The following CCDC148 variants were observed in gnomAD, a reference collection of about 807,000 sequenced individuals.
The protein encoded by CCDC148 is coiled-coil domain-containing protein 148.
In CCDC148, 89 loss-of-function variants were observed where a neutral mutation model predicts 85.7. The ratio of observed to expected loss-of-function variants is 1.04; its 90% CI spans 0.87 to 1.24. CCDC148 has a LOEUF of 1.24. Among genes scored for constraint, CCDC148 ranks in the 50% most tolerant of loss-of-function variants. The pLI is 0.00. For missense variants in CCDC148, 692 were observed against 671.7 expected (o/e 1.03, Z -0.33); for synonymous variants, 230 against 213.9 (o/e 1.08, Z -0.66).
chr2:158,445,872 T>C (rs1281316213), intron 1 of CCDC148, among the ~76,000 whole-genome samples: 2 of 152,190 alleles, frequency 1.3e-5, no homozygotes, highest in African/African-American at 4.8e-5. Flanking sequence ...GAAAATTATG[T>C]GATGGACTAT....
rs200904378 is a variant in CCDC148 at position 158,309,621 on chromosome 2, A to G, written c.922T>C (p.Cys308Arg). ...TCTATAGCAAAGCGATATTGGTCAC[A>G]ATATTTCTCGTGTTCAACCTGAAAA... is the stretch of plus-strand genomic sequence containing the variant. ...RHDLVEHEKY[C>R]DQYRFAIEQQ... Residue 308 changes from cysteine (C) to arginine (R), a missense_variant, in exon 9 of 14, where the codon TGT becomes CGT. Transcript: ENST00000283233. 43 of 1,612,560 alleles carry G rather than the reference A, an allele frequency of 2.7e-5. No individual in the cohort carries two copies. The highest frequency in any genetic ancestry group is 4.0e-5 in the African/African-American group (3 of 74,918).
chr2:158,290,016 T>G (rs1690812520), intron 9 of CCDC148, among the ~76,000 whole-genome samples: 1 of 152,244 alleles, frequency 6.6e-6, no homozygotes, highest in Non-Finnish European at 1.5e-5. Flanking sequence ...CACACAAGTT[T>G]GTTTATAACA....
At chr2:158,246,602 G>A (rs1456004812) in intron 10 of CCDC148, among the ~76,000 whole-genome samples, 25 of 152,176 alleles carry the variant, frequency 1.6e-4, no homozygotes. Context: ...GTATAGGTCT[G>A]CATAGCTGGT....
intron 9 of CCDC148, among the ~76,000 whole-genome samples, chr2:158,281,456 T>C (rs891217042): frequency 3.3e-5 from 5 of 151,906 alleles, no homozygotes; most frequent in Non-Finnish European, 7.4e-5. Context: ...TCACCACCGA[T>C]CCCACAGAAA....
At position 158,250,848 on chromosome 2, in the gene CCDC148, C is replaced by T. The variant is rs765539873; in HGVS notation, c.1175G>A (p.Arg392Lys). ...CTCTTTCTCCTCTTCCTTTTCTCTT[C>T]TTCTGGCAGAAATTTCCATTTCCAG... The part of the protein sequence containing the change: ...ARLEMEISAR[R>K]REKEEEKEKL... The change falls in exon 10 of 14, where the codon AGA (arginine) becomes AAA (lysine). Residue 392 changes from arginine (R) to lysine (K), a missense_variant. Physicochemically the swap from Arg to Lys is conservative, Grantham distance 26 (BLOSUM62 2). Transcript: ENST00000283233. The T allele has an allele frequency of 6.2e-7, 1 of 1,607,310 alleles. No individual in the cohort carries two copies. Among genetic ancestry groups the T allele is most frequent in the South Asian group, 1.1e-5 (1 of 90,634 alleles).
In CCDC148 at chr2:158,309,535, A is replaced by C. The variant is rs1454350526; in HGVS notation, c.1008T>G (p.Ala336=). ...NKNKKDFIQK[A]VLTLTEACAT... is the part of the protein sequence containing the mutation. Reference sequence around the variant, plus strand: ...CACAAGCCTCAGTGAGTGTCAGCACAGCCTTCTGTATAAAGTCTTTCTTAT... The same window carrying C: ...CACAAGCCTCAGTGAGTGTCAGCACCGCCTTCTGTATAAAGTCTTTCTTAT... Residue 336 remains alanine, a synonymous_variant, in exon 9 of 14, where the codon GCT becomes GCG. Transcript: ENST00000283233. 1.2e-6 allele frequency: 2 copies of C among 1,613,918 alleles called. No individual in the cohort carries two copies. The highest frequency in any genetic ancestry group is 2.7e-5 in the African/African-American group (2 of 74,934).
chr2:158,439,527 A>C (rs1437427841), intron 1 of CCDC148, among the ~76,000 whole-genome samples: 1 of 152,138 alleles, frequency 6.6e-6, no homozygotes, highest in Non-Finnish European at 1.5e-5. Flanking sequence ...CCTAATGTAA[A>C]TGATGAGTTA....
intron 11 of CCDC148, among the ~76,000 whole-genome samples, chr2:158,214,121 TAAAAAAAAAAA>T (rs70990697): frequency 1.0e-5 from 1 of 96,630 alleles, no homozygotes; most frequent in African/African-American, 3.9e-5. Flanking sequence ...AACATTGTGG[TAAAAAAAAAAA>T]AAAAAAAAAA....
rs1221086709 is a variant in CCDC148 at position 158,220,694 on chromosome 2, T to C, written c.1271A>G (p.Lys424Arg). ...CATTTCTTGCCACTTCTGTTTTTTC[T>C]TGGCCCAGTATTTTTTTATCTATTG... ...KKKKIKKYWA[K>R]KKQKWQEMEM... The change falls in exon 11 of 14, where the codon AAG becomes AGG. Residue 424 changes from lysine (K) to arginine (R), a missense_variant. Coordinates refer to ENST00000283233, the MANE Select transcript of CCDC148 (RefSeq NM_138803.4). 2 of 1,584,494 alleles carry C rather than the reference T, an allele frequency of 1.3e-6. No individual in the cohort carries two copies. The highest frequency in any genetic ancestry group is 1.7e-6 in the Non-Finnish European group (2 of 1,172,370).
intron 9 of CCDC148, among the ~76,000 whole-genome samples, chr2:158,306,098 G>A (rs1039240182): frequency 3.3e-5 from 5 of 152,190 alleles, no homozygotes; most frequent in African/African-American, 1.2e-4. Flanking sequence ...GCCAAAGGCT[G>A]GAGGTAGATG....
At chr2:158,308,580 A>G (rs1297161491) in intron 9 of CCDC148, among the ~76,000 whole-genome samples, 2 of 152,254 alleles carry the variant, frequency 1.3e-5, no homozygotes, top group African/African-American at 4.8e-5. Context: ...GTTTTCTATC[A>G]GGAGAATAAA....
chr2:158,239,195 C>T (rs1688242145), intron 10 of CCDC148, among the ~76,000 whole-genome samples: 1 of 152,018 alleles, frequency 6.6e-6, no homozygotes, highest in African/African-American at 2.4e-5. Context: ...AAATTTATAC[C>T]TGGAGTTAAA....
intron 9 of CCDC148, among the ~76,000 whole-genome samples, chr2:158,290,794 T>C (rs1173879194): frequency 1.3e-5 from 2 of 152,198 alleles, no homozygotes; most frequent in Admixed American, 1.3e-4. Flanking sequence ...TCCCTAATAT[T>C]TGGAAGAATG....
At chr2:158,275,391 T>G (rs1689886048) in intron 9 of CCDC148, among the ~76,000 whole-genome samples, 2 of 152,330 alleles carry the variant, frequency 1.3e-5, no homozygotes, top group Non-Finnish European at 1.5e-5. Context: ...TATTTAGGTT[T>G]AGACAATATA....
chr2:158,453,585 A>T (rs892136912), intron 1 of CCDC148, among the ~76,000 whole-genome samples: 9 of 151,842 alleles, frequency 5.9e-5, no homozygotes, highest in South Asian at 2.1e-4. Context: ...TTTTATCTTC[A>T]CCTCCCCCAC....
At chr2:158,257,561 A>G (rs560347885) in intron 9 of CCDC148, among the ~76,000 whole-genome samples, 2 of 151,910 alleles carry the variant, frequency 1.3e-5, no homozygotes, top group South Asian at 2.1e-4. Context: ...TCCATTTGGC[A>G]TTTCTGCTTA....
chr2:158,357,736 T>A (rs1161425707), intron 2 of CCDC148, among the ~76,000 whole-genome samples: 2 of 152,058 alleles, frequency 1.3e-5, no homozygotes, highest in Non-Finnish European at 2.9e-5. Context: ...ATAATAACAA[T>A]TGCCTTCTAT....
intron 1 of CCDC148, among the ~76,000 whole-genome samples, chr2:158,448,124 A>T (rs563578763): frequency 7.9e-5 from 12 of 151,864 alleles, no homozygotes; most frequent in African/African-American, 2.4e-4. Context: ...GTATTTCTTT[A>T]AAAAAAATCC....
At chr2:158,282,211 C>T (rs997125837) in intron 9 of CCDC148, among the ~76,000 whole-genome samples, 5 of 151,992 alleles carry the variant, frequency 3.3e-5, no homozygotes, top group Non-Finnish European at 4.4e-5. Context: ...CCTTTGAAAA[C>T]TGGCACAAGA....
Sources: gnomAD v4.1 joint callset for allele counts (sites outside exome capture counted in the v4.1 genomes callset) on GRCh38, gnomAD v4.1.1 for gene constraint, MANE v1.5 for transcripts, NCBI Gene and HGNC (gene_info 2026-07-23, HGNC 2026-07-21) for gene names.